Variants in KLHL13 observed in about 807,000 individuals in gnomAD.
KLHL13 encodes kelch like family member 13, also known as kelch-like protein 13.
A neutral mutation model predicts 37.1 loss-of-function variants in KLHL13; 10 were observed. The observed-to-expected ratio is 0.27, with a 90% CI of 0.17 to 0.46. KLHL13 has a LOEUF of 0.46. Among genes scored for constraint, KLHL13 ranks in the 20% least tolerant of loss-of-function variants. KLHL13 has a pLI of 1.00. For synonymous variants in KLHL13, 163 were observed against 181.2 expected (o/e 0.90, Z 0.81); for missense variants, 360 against 509.3 (o/e 0.71, Z 2.82).
At chrX:118,098,481 T>G (rs184683912) in intron 1 of KLHL13, among the ~76,000 whole-genome samples, 1,977 of 111,127 alleles carry the variant, frequency 0.018, 40 homozygotes, top group African/African-American at 0.061. Flanking sequence ...TTGGTGGGAC[T>G]GTAAACTAGT....
Position 118,096,237 on chromosome X carries a change from C to T in KLHL13, c.-56+20271G>A, listed in dbSNP as rs772449086. Among the ~76,000 whole-genome samples the T allele has an allele frequency of 2.5e-4, 28 of 111,210 alleles. 1 individual carries two copies. Among genetic ancestry groups the T allele is most frequent in the Non-Finnish European group, 4.3e-4 (23 of 52,939 alleles). On this transcript the variant is annotated intron_variant, in intron 1 of 6. Transcript: ENST00000371882. ...ATCAAATAGACACAATACAAAATGA[C>T]AAAGGGGGTATCACCACCGATCCCA... is the stretch of plus-strand genomic sequence containing the variant.
At chrX:118,016,307 T>C (rs186618134) in intron 1 of KLHL13, among the ~76,000 whole-genome samples, 1 of 111,492 alleles carries the variant, frequency 9.0e-6, no homozygotes, top group Non-Finnish European at 1.9e-5. Flanking sequence ...GAAGACATGA[T>C]TATACATTAC....
chrX:117,939,976 T>A (rs1319187146), intron 2 of KLHL13, among the ~76,000 whole-genome samples: 4 of 112,146 alleles, frequency 3.6e-5, no homozygotes, highest in African/African-American at 1.3e-4. Context: ...CTGGCTTTTG[T>A]TGCCATTGCT....
intron 1 of KLHL13, among the ~76,000 whole-genome samples, chrX:118,044,223 A>C (rs1343838236): frequency 8.9e-6 from 1 of 111,745 alleles, no homozygotes; most frequent in Non-Finnish European, 1.9e-5. Context: ...CTGATGAAAA[A>C]TTGAAGTGGA....
intron 2 of KLHL13, among the ~76,000 whole-genome samples, chrX:117,922,627 T>G (rs1437387869): frequency 2.7e-5 from 3 of 111,520 alleles, no homozygotes; most frequent in Non-Finnish European, 5.6e-5. Context: ...TTCGTTTGTG[T>G]TCGTTTGTGG....
intron 5 of KLHL13, among the ~76,000 whole-genome samples, chrX:117,904,940 T>C (rs186410782): frequency 2.0e-3 from 226 of 111,851 alleles, no homozygotes; most frequent in African/African-American, 6.9e-3. Context: ...CTCACATATA[T>C]CAGGAGTTCT....
chrX:118,058,319 C>T (rs1339487405), intron 1 of KLHL13, among the ~76,000 whole-genome samples: 1 of 110,634 alleles, frequency 9.0e-6, no homozygotes, highest in Non-Finnish European at 1.9e-5. Flanking sequence ...ATTTCTCTTA[C>T]ACACACTAAT....
chrX:118,023,985 A>G (rs2054248748), intron 1 of KLHL13, among the ~76,000 whole-genome samples: 1 of 112,148 alleles, frequency 8.9e-6, no homozygotes, highest in African/African-American at 3.2e-5. Context: ...TATGTTCTGG[A>G]TCACATTACT....
At chrX:117,985,831 C>A (rs1049302656) in intron 1 of KLHL13, among the ~76,000 whole-genome samples, 4 of 110,784 alleles carry the variant, frequency 3.6e-5, no homozygotes, top group Non-Finnish European at 7.6e-5. Context: ...CTTTATCAAT[C>A]TCCCAGGAAT....
intron 1 of KLHL13, among the ~76,000 whole-genome samples, chrX:118,032,528 G>T (rs1024234803): frequency 2.9e-4 from 33 of 111,974 alleles, no homozygotes; most frequent in Admixed American, 2.6e-3. Flanking sequence ...GCAGCTGAGG[G>T]TCCTGTCTGT....
In KLHL13 at chrX:117,920,975, C is replaced by CA. The variant is rs200269209; in HGVS notation, c.241-606dup. Among the ~76,000 whole-genome samples, 57 of 110,035 alleles carry CA rather than the reference C, an allele frequency of 5.2e-4. No homozygotes were observed. The East Asian group carries it at 0.011, about 21-fold the overall frequency. On this transcript the variant is annotated intron_variant, in intron 2 of 6. Transcript: ENST00000262820. ...TTAATTATCTTTGTTTGAAAAAAAA[C>CA]AAAAAAAAGCCCAGGAAACCCCAAC...
At chrX:118,034,192 A>G (rs2054402542) in intron 1 of KLHL13, among the ~76,000 whole-genome samples, 1 of 103,628 alleles carries the variant, frequency 9.6e-6, no homozygotes, top group African/African-American at 4.0e-5. Context: ...CGAGACAGAA[A>G]GTTAACAAGG....
rs780220256 is a variant in KLHL13, at chrX:118,028,391, G to A, written c.-55-82816C>T. 88 of 923,558 alleles carry A rather than the reference G, an allele frequency of 9.5e-5. No individual in the cohort carries two copies. In the Middle Eastern group the frequency reaches 2.1e-3, roughly 22 times the overall value. 76.1% of individuals were successfully genotyped at this position (923,558 alleles called of 1,213,427 possible). ...TGTTAGGTATATAAATAGGAAAGAC[G>A]TTATATAAGTTAAACTATTTCCATA... is the stretch of plus-strand genomic sequence containing the variant. On this transcript the variant is annotated intron_variant, in intron 1 of 6. Transcript: ENST00000371882.
At chrX:117,935,479 A>G (rs1932730620) in intron 2 of KLHL13, among the ~76,000 whole-genome samples, 1 of 112,120 alleles carries the variant, frequency 8.9e-6, no homozygotes, top group Non-Finnish European at 1.9e-5. Context: ...ATAAAGAAAT[A>G]CCTGGAACTG....
At chrX:118,031,401 C>A (rs1373191139) in intron 1 of KLHL13, among the ~76,000 whole-genome samples, 1 of 78,825 alleles carries the variant, frequency 1.3e-5, no homozygotes, top group Admixed American at 1.4e-4. Context: ...TTAACTTTAA[C>A]TAAAACTTTT....
chrX:118,088,721 G>A (rs1569313514), intron 1 of KLHL13, among the ~76,000 whole-genome samples: 1 of 111,821 alleles, frequency 8.9e-6, no homozygotes, highest in East Asian at 2.8e-4. Context: ...AAGTCAGCAA[G>A]GCCAAAATAA....
At chrX:118,015,786 C>T (rs1293735625) in intron 1 of KLHL13, among the ~76,000 whole-genome samples, 1 of 111,265 alleles carries the variant, frequency 9.0e-6, no homozygotes, top group Non-Finnish European at 1.9e-5. Context: ...AGTGGATAAC[C>T]AAAACCTACA....
At chrX:117,934,883 A>C (rs1233670835) in intron 2 of KLHL13, among the ~76,000 whole-genome samples, 1 of 111,356 alleles carries the variant, frequency 9.0e-6, no homozygotes, top group African/African-American at 3.3e-5. Flanking sequence ...ATAAAAAAAA[A>C]AGATATTCAA....
At chrX:117,918,648 A>G (rs1361762363) in intron 4 of KLHL13, among the ~76,000 whole-genome samples, 1 of 110,935 alleles carries the variant, frequency 9.0e-6, no homozygotes, top group Non-Finnish European at 1.9e-5. Flanking sequence ...AAAATAAAAC[A>G]CTCTCTTCAG....
Sources: allele counts gnomAD v4.1 joint callset (sites outside exome capture counted in the v4.1 genomes callset), GRCh38; gene constraint gnomAD v4.1.1; transcripts MANE v1.5; gene names NCBI Gene and HGNC (gene_info 2026-07-23, HGNC 2026-07-21).